C6orf89: variants seen among roughly 807,000 people sequenced by gnomAD.
C6orf89 encodes the protein chromosome 6 open reading frame 89.
In C6orf89, 29 loss-of-function variants were observed where a neutral mutation model predicts 40.7. The ratio of observed to expected loss-of-function variants is 0.71; its 90% CI spans 0.53 to 0.97. The LOEUF is 0.97. C6orf89 is among the 50% of genes least tolerant of loss of function. The pLI, the probability that C6orf89 is intolerant of heterozygous loss-of-function variation, is 0.00. For synonymous variants in C6orf89, 165 were observed against 152.2 expected, an observed-to-expected ratio of 1.08 and a Z score of -0.62; for missense variants, 392 against 429.1, an observed-to-expected ratio of 0.91 and a Z score of 0.76.
intron 2 of C6orf89, among the ~76,000 whole-genome samples, chr6:36,897,791 G>C (rs1056744017): frequency 6.6e-6 from 1 of 152,188 alleles, no homozygotes; most frequent in Non-Finnish European, 1.5e-5. Context: ...GCTGGCGTGC[G>C]CTGGGTTGTG....
chr6:36,918,138 C>G (rs916612787), intron 7 of C6orf89, among the ~76,000 whole-genome samples: 2 of 152,226 alleles, frequency 1.3e-5, no homozygotes, highest in East Asian at 3.9e-4. Flanking sequence ...TGTCCAAAGG[C>G]AGCCTTGGGA....
chr6:36,913,789 C>T (rs1266318901), intron 4 of C6orf89, among the ~76,000 whole-genome samples: 1 of 151,846 alleles, frequency 6.6e-6, no homozygotes, highest in Non-Finnish European at 1.5e-5. Context: ...CTCCTGTCCT[C>T]TACTCCCTCC....
At chr6:36,911,349 G>A (rs185176202) in intron 4 of C6orf89, among the ~76,000 whole-genome samples, 75 of 152,216 alleles carry the variant, frequency 4.9e-4, no homozygotes, top group African/African-American at 1.7e-3. Flanking sequence ...AATGAGCCAG[G>A]CTTCGTGGCG....
chr6:36,925,399 C>T lies in C6orf89; in HGVS notation c.*1958C>T, dbSNP rs1762646677. 1 of 152,130 alleles carries T rather than the reference C, an allele frequency of 6.6e-6. No individual in the cohort carries two copies. The highest frequency in any genetic ancestry group is 2.4e-5 in the African/African-American group (1 of 41,396). The allele number at this position is 152,130 out of a possible 1,614,324, so 9.4% of individuals were successfully genotyped here. A position where few individuals can be genotyped will look rare whatever the true frequency, so the allele number is the denominator to read the frequency against. On this transcript the variant is annotated 3_prime_UTR_variant, in exon 9 of 9. Coordinates refer to ENST00000480824, the MANE Select transcript of C6orf89 (RefSeq NM_001286635.2). ...TCTGTGAGTTACTCTGTATTCCTTT[C>T]CCCATTTCACTCTTGCCCTTCACAT...
intron 4 of C6orf89, among the ~76,000 whole-genome samples, chr6:36,910,727 TAAA>T (rs141066510): frequency 1.6e-5 from 2 of 124,422 alleles, no homozygotes; most frequent in Admixed American, 8.1e-5. Context: ...ACCCTGTCTC[TAAA>T]AAAAAAAAAA....
chr6:36,871,954 T>C, exon 1 of C6orf89: 1 of 1,267,974 alleles, frequency 7.9e-7, no homozygotes, highest in Admixed American at 3.6e-5. Context: ...CCAGGACTCT[T>C]GATTTTCAAG....
chr6:36,874,914 G>C, intron 1 of C6orf89: 1 of 891,244 alleles, frequency 1.1e-6, no homozygotes, highest in Non-Finnish European at 1.7e-6. Flanking sequence ...GGAAGAGGAC[G>C]GTCCCTTCTT....
At chr6:36,898,660 G>A in intron 2 of C6orf89, among the ~76,000 whole-genome samples, 1 of 151,872 alleles carries the variant, frequency 6.6e-6, no homozygotes, top group South Asian at 2.1e-4. Context: ...TTGTTCTCTG[G>A]GCATGATGAA....
intron 4 of C6orf89, among the ~76,000 whole-genome samples, chr6:36,906,217 T>C (rs1242445090): frequency 6.6e-6 from 1 of 152,230 alleles, no homozygotes; most frequent in Non-Finnish European, 1.5e-5. Context: ...ACTAAGAATC[T>C]AGTAAGACTT....
chr6:36,925,078 A>G lies in C6orf89; in HGVS notation c.*1637A>G, dbSNP rs907017977. On this transcript the variant is annotated 3_prime_UTR_variant, in exon 9 of 9. Transcript: ENST00000480824. The stretch of plus-strand genomic sequence containing the variant: ...ACCTGAGGGAATTTTTTCTTAATCA[A>G]CCCCTTGTGTGGATGAATACAGGAA... 15 of 152,152 alleles carry G rather than the reference A, an allele frequency of 9.9e-5. No individual in the cohort carries two copies. The highest frequency in any genetic ancestry group is 3.4e-4 in the African/African-American group (14 of 41,410). The allele number at this position is 152,152 out of a possible 1,614,324, so 9.4% of individuals were successfully genotyped here. A position where few individuals can be genotyped will look rare whatever the true frequency, so the allele number is the denominator to read the frequency against.
upstream of C6orf89, among the ~76,000 whole-genome samples, chr6:36,882,396 A>G (rs141390270): frequency 2.3e-3 from 345 of 152,374 alleles, 2 homozygotes; most frequent in Middle Eastern, 3.4e-3. Context: ...ATTAGCTATC[A>G]GTGCTATGCA....
At chr6:36,901,318 ATTATTTTT>A (rs1211985271) in intron 3 of C6orf89, among the ~76,000 whole-genome samples, 58 of 64,964 alleles carry the variant, frequency 8.9e-4, no homozygotes, top group African/African-American at 3.4e-3. Flanking sequence ...TATTATTATT[ATTATTTTT>A]TTTTTTTTTT....
intron 6 of C6orf89, among the ~76,000 whole-genome samples, chr6:36,915,717 A>AT (rs1762289931): frequency 1.3e-5 from 2 of 151,430 alleles, no homozygotes; most frequent in South Asian, 4.2e-4. Context: ...AAAAAAAAAA[A>AT]GGTTGGGGGA....
intron 3 of C6orf89, among the ~76,000 whole-genome samples, chr6:36,901,658 T>C (rs1761720153): frequency 6.8e-6 from 1 of 146,138 alleles, no homozygotes; most frequent in Admixed American, 6.9e-5. Context: ...TTATTATTAT[T>C]TTTATTTATT....
intron 1 of C6orf89, chr6:36,875,049 T>A (rs1434125968): frequency 1.3e-5 from 6 of 461,736 alleles, no homozygotes; most frequent in Non-Finnish European, 2.3e-5. Context: ...ATCTGATTGG[T>A]TCGTTTAGGC....
At chr6:36,895,168 A>C (rs1583160494) in intron 2 of C6orf89, among the ~76,000 whole-genome samples, 1 of 152,176 alleles carries the variant, frequency 6.6e-6, no homozygotes, top group East Asian at 1.9e-4. Flanking sequence ...TGTTCCTTAG[A>C]AGTGACTGTG....
chr6:36,894,521 C>T lies in C6orf89; in HGVS notation c.-102C>T. 1.1e-5 allele frequency: 11 copies of T among 985,210 alleles called. No homozygotes were observed. The highest frequency in any genetic ancestry group is 1.2e-5 in the Non-Finnish European group (10 of 829,758). 61.0% of individuals were successfully genotyped at this position (985,210 alleles called of 1,614,324 possible). ...ATTTGCAGGAATCATTGTAGTCAAT[C>T]ATTTTCCAGTTCTCAGCCGCTCAGT... On this transcript the variant is annotated 5_prime_UTR_variant, in exon 2 of 9. Transcript: ENST00000480824.
chr6:36,892,816 G>A (rs1761258786), intron 1 of C6orf89: 1 of 152,234 alleles, frequency 6.6e-6, no homozygotes. Context: ...TCCCCCTGTA[G>A]CAAAGCTCAC....
At chr6:36,913,073 A>G (rs142906748) in intron 4 of C6orf89, among the ~76,000 whole-genome samples, 3 of 152,368 alleles carry the variant, frequency 2.0e-5, no homozygotes, top group Non-Finnish European at 2.9e-5. Flanking sequence ...AAACAAACAC[A>G]TCTCTCAGAG....
Sources: gnomAD v4.1 joint callset for allele counts (sites outside exome capture counted in the v4.1 genomes callset) on GRCh38, gnomAD v4.1.1 for gene constraint, MANE v1.5 for transcripts, NCBI Gene and HGNC (gene_info 2026-07-23, HGNC 2026-07-21) for gene names.